Variants in ERBB4 observed in about 807,000 individuals in gnomAD.
ERBB4 encodes receptor tyrosine-protein kinase erbB-4.
In ERBB4, 42 loss-of-function variants were observed where a neutral mutation model predicts 158.0. The ratio of observed to expected loss-of-function variants is 0.27; its 90% CI spans 0.21 to 0.34. ERBB4 has a LOEUF of 0.34. ERBB4 is among the 10% of genes least tolerant of loss of function. The probability of loss-of-function intolerance (pLI) is 1.00; values close to 1 mark genes in which losing one functional copy is unlikely to be tolerated. For synonymous variants in ERBB4, 583 were observed against 558.7 expected (o/e 1.04, Z -0.61); for missense variants, 1,333 against 1,624.1 (o/e 0.82, Z 3.08).
At chr2:211,880,555 A>G (rs1331770820) in intron 3 of ERBB4, among the ~76,000 whole-genome samples, 2 of 152,174 alleles carry the variant, frequency 1.3e-5, no homozygotes, top group Non-Finnish European at 2.9e-5. Flanking sequence ...CTATGCACAG[A>G]TTTCAAAAAA....
At chr2:211,888,260 G>C (rs772155164) in intron 3 of ERBB4, among the ~76,000 whole-genome samples, 1 of 152,160 alleles carries the variant, frequency 6.6e-6, no homozygotes, top group Non-Finnish European at 1.5e-5. Flanking sequence ...AGGCTTCTGA[G>C]ATTTCATAAG....
chr2:211,587,590 T>C (rs1445314843), intron 19 of ERBB4, among the ~76,000 whole-genome samples: 5 of 152,046 alleles, frequency 3.3e-5, no homozygotes, highest in African/African-American at 1.2e-4. Flanking sequence ...AACACCATCA[T>C]TTTGGAATTC....
chr2:212,135,647 C>T (rs1034032262), intron 1 of ERBB4, among the ~76,000 whole-genome samples: 4 of 152,146 alleles, frequency 2.6e-5, no homozygotes, highest in Non-Finnish European at 4.4e-5. Flanking sequence ...AATAAGATCA[C>T]AGAAATACAA....
intron 1 of ERBB4, among the ~76,000 whole-genome samples, chr2:212,395,436 C>G (rs1396014330): frequency 6.6e-6 from 1 of 151,488 alleles, no homozygotes; most frequent in Non-Finnish European, 1.5e-5. Context: ...AGGTGTGTCA[C>G]GTAAAGGATA....
intron 1 of ERBB4, among the ~76,000 whole-genome samples, chr2:212,455,775 A>G (rs1688259927): frequency 6.6e-6 from 1 of 152,198 alleles, no homozygotes; most frequent in African/African-American, 2.4e-5. Context: ...AATAGGTAAT[A>G]CATTTCCATT....
intron 20 of ERBB4, among the ~76,000 whole-genome samples, chr2:211,467,511 C>T (rs893735689): frequency 6.6e-6 from 1 of 152,122 alleles, no homozygotes; most frequent in African/African-American, 2.4e-5. Context: ...CACAGTGCTT[C>T]CACCTGTCCA....
chr2:211,511,416 G>A, intron 20 of ERBB4, among the ~76,000 whole-genome samples: 1 of 151,906 alleles, frequency 6.6e-6, no homozygotes, highest in East Asian at 1.9e-4. Flanking sequence ...TTACACAAAA[G>A]CAACACTGAT....
intron 19 of ERBB4, 129 bp from the exon 20 acceptor site, chr2:211,562,217 A>G (rs1233024153): frequency 1.3e-6 from 1 of 754,606 alleles, no homozygotes; most frequent in African/African-American, 1.7e-5. Context: ...AATCAAAATG[A>G]AAAGACATAA....
rs374126920 is a variant in ERBB4, at chr2:212,090,337, G to C, written c.234+34415C>G. Among the ~76,000 whole-genome samples the C allele has an allele frequency of 8.1e-4, 124 of 152,192 alleles. 1 individual carries two copies. In the South Asian group the frequency reaches 0.025, roughly 31 times the overall value. ...CAATGCCCATTGTACTATATTTCTT[G>C]AAACCTCTTTAACTTGTAGGAGTTG... On this transcript the variant is annotated intron_variant, in intron 2 of 27. Transcript: ENST00000342788.
chr2:211,841,768 A>G (rs2077475490), intron 3 of ERBB4, among the ~76,000 whole-genome samples: 2 of 152,078 alleles, frequency 1.3e-5, no homozygotes, highest in African/African-American at 4.8e-5. Flanking sequence ...ACATTCACAT[A>G]TGATTTTAAA....
chr2:211,820,162 A>C (rs955029395), intron 3 of ERBB4, among the ~76,000 whole-genome samples: 2 of 151,964 alleles, frequency 1.3e-5, no homozygotes, highest in Non-Finnish European at 2.9e-5. Context: ...TAAAAAGTAT[A>C]TAACTTTTAA....
At chr2:211,572,928 C>T (rs577092298) in intron 19 of ERBB4, among the ~76,000 whole-genome samples, 1 of 152,296 alleles carries the variant, frequency 6.6e-6, no homozygotes, top group Admixed American at 6.5e-5. Flanking sequence ...AAAGATACTG[C>T]TAAACAGTCA....
At chr2:212,076,344 T>C (rs1459149923) in intron 2 of ERBB4, among the ~76,000 whole-genome samples, 1 of 151,976 alleles carries the variant, frequency 6.6e-6, no homozygotes, top group Non-Finnish European at 1.5e-5. Context: ...GAGATAAATA[T>C]TGAATAAGAC....
At chr2:211,527,454 A>G (rs1159710486) in intron 20 of ERBB4, among the ~76,000 whole-genome samples, 1 of 152,098 alleles carries the variant, frequency 6.6e-6, no homozygotes, top group Admixed American at 6.5e-5. Context: ...GGTAAAGGGA[A>G]TACTTCAACT....
chr2:211,397,928 G>A (rs190129141), intron 25 of ERBB4, among the ~76,000 whole-genome samples: 8 of 152,260 alleles, frequency 5.3e-5, no homozygotes, highest in African/African-American at 1.7e-4. Flanking sequence ...TCTCAAATTG[G>A]TCAAATTGGT....
At position 211,444,841 on chromosome 2, in the gene ERBB4, G is replaced by A. The variant is rs191183076; in HGVS notation, c.2488-13741C>T. 4.1e-3 allele frequency among the ~76,000 whole-genome samples: 619 copies of A among 152,112 alleles called. 5 individuals carry two copies. The highest frequency in any genetic ancestry group is 0.014 in the African/African-American group (578 of 41,526). ...AGATACATACATGGACACAGATTAC[G>A]TAAATGATGTGTTCAGAAAGTACAG... On this transcript the variant is annotated intron_variant, in intron 20 of 27. Transcript: ENST00000342788.
At chr2:211,578,725 T>C (rs2125762789) in intron 19 of ERBB4, among the ~76,000 whole-genome samples, 1 of 152,306 alleles carries the variant, frequency 6.6e-6, no homozygotes, top group Non-Finnish European at 1.5e-5. Context: ...ATTTAATACG[T>C]AGTGCTGGGA....
At chr2:212,345,613 A>G (rs1321480253) in intron 1 of ERBB4, among the ~76,000 whole-genome samples, 1 of 152,212 alleles carries the variant, frequency 6.6e-6, no homozygotes, top group Admixed American at 6.5e-5. Flanking sequence ...ATGAAATTTA[A>G]AAATATATTT....
Position 211,377,653 on chromosome 2 carries a change from C to T in ERBB4, c.*5962G>A, listed in dbSNP as rs184020759. 1,147 of 232,424 alleles carry T rather than the reference C, an allele frequency of 4.9e-3. 5 individuals are homozygous for T. Among genetic ancestry groups the T allele is most frequent in the Non-Finnish European group, 8.0e-3 (935 of 117,572 alleles). 14.4% of individuals were successfully genotyped at this position (232,424 alleles called of 1,614,324 possible). On this transcript the variant is annotated 3_prime_UTR_variant, in exon 28 of 28. Coordinates refer to ENST00000342788, the MANE Select transcript of ERBB4 (RefSeq NM_005235.3). ...TCCTCATTTGGGAGAAAAAAATTTACAGCAGCTACAAAATATTTACGATTA... is the reference window on the plus strand; with the variant it reads ...TCCTCATTTGGGAGAAAAAAATTTATAGCAGCTACAAAATATTTACGATTA...
Sources: gnomAD v4.1 joint callset for allele counts (sites outside exome capture counted in the v4.1 genomes callset) on GRCh38, gnomAD v4.1.1 for gene constraint, MANE v1.5 for transcripts, NCBI Gene and HGNC (gene_info 2026-07-23, HGNC 2026-07-21) for gene names.